Variants in KCNH5 observed in about 807,000 individuals in gnomAD.
The protein encoded by KCNH5 is potassium voltage-gated channel subfamily H member 5.
In KCNH5, 46 loss-of-function variants were observed where a neutral mutation model predicts 96.1. The observed-to-expected ratio is 0.48, with a 90% CI of 0.38 to 0.61. The LOEUF (loss-of-function observed/expected upper bound fraction) is 0.61, where lower values mean the gene tolerates loss of function less well. Among genes scored for constraint, KCNH5 ranks in the 20% least tolerant of loss-of-function variants. The probability of loss-of-function intolerance (pLI) is 0.00; values close to 1 mark genes in which losing one functional copy is unlikely to be tolerated. For synonymous variants in KCNH5, 439 were observed against 449.8 expected (o/e 0.98, Z 0.30); for missense variants, 907 against 1,225.8 (o/e 0.74, Z 3.88).
intron 7 of KCNH5, among the ~76,000 whole-genome samples, chr14:62,870,141 A>C (rs1028020086): frequency 1.3e-5 from 2 of 152,182 alleles, no homozygotes; most frequent in African/African-American, 4.8e-5. Context: ...CAAGCTTACC[A>C]TTTTGGCCAA....
chr14:62,830,054 C>A lies in KCNH5; in HGVS notation c.1569+19599G>T, dbSNP rs915423714. Among the ~76,000 whole-genome samples, 3 of 152,184 alleles carry A rather than the reference C, an allele frequency of 2.0e-5. No individual in the cohort carries two copies. In the East Asian group the frequency reaches 5.8e-4, roughly 29 times the overall value. ...CTCTCAAGTTCAAAGTTCCATACAT[C>A]TCTAGGGCAGGGGCAAAATGCCACC... is the stretch of plus-strand genomic sequence containing the variant. On this transcript the variant is annotated intron_variant, in intron 8 of 10. Transcript: ENST00000322893.
At chr14:63,038,047 T>G (rs1285791823) in intron 1 of KCNH5, among the ~76,000 whole-genome samples, 2 of 152,200 alleles carry the variant, frequency 1.3e-5, no homozygotes, top group Non-Finnish European at 2.9e-5. Context: ...CATTTCATAT[T>G]CCTTTCTCAT....
chr14:62,766,324 G>A (rs1000474523), intron 10 of KCNH5, among the ~76,000 whole-genome samples: 2 of 152,120 alleles, frequency 1.3e-5, no homozygotes, highest in Non-Finnish European at 2.9e-5. Context: ...TCCCACTGCT[G>A]GGTATATACC....
At chr14:62,938,538 C>A (rs969385180) in intron 7 of KCNH5, among the ~76,000 whole-genome samples, 1 of 152,172 alleles carries the variant, frequency 6.6e-6, no homozygotes, top group African/African-American at 2.4e-5. Context: ...TTAATAAGTT[C>A]TAAATATATT....
intron 7 of KCNH5, among the ~76,000 whole-genome samples, chr14:62,889,547 C>G (rs947115394): frequency 8.5e-5 from 13 of 152,206 alleles, no homozygotes; most frequent in Admixed American, 7.2e-4. Flanking sequence ...AGCACATTAA[C>G]TGACAGAGCC....
intron 10 of KCNH5, among the ~76,000 whole-genome samples, chr14:62,749,714 G>A (rs118161961): frequency 0.03 from 4,563 of 152,200 alleles, 99 homozygotes; most frequent in Non-Finnish European, 0.047. Flanking sequence ...GGGGCCACTC[G>A]AACCCTTAAT....
intron 7 of KCNH5, among the ~76,000 whole-genome samples, chr14:62,861,315 G>T (rs946598123): frequency 1.3e-5 from 2 of 151,232 alleles, no homozygotes; most frequent in African/African-American, 4.9e-5. Flanking sequence ...TGTCACCCAG[G>T]CTGGAGTGCA....
chr14:62,842,960 T>C (rs1429652583), intron 8 of KCNH5, among the ~76,000 whole-genome samples: 2 of 152,214 alleles, frequency 1.3e-5, no homozygotes, highest in Non-Finnish European at 2.9e-5. Flanking sequence ...ATAATCTTAC[T>C]GTCAGGACCT....
At chr14:62,744,849 C>G (rs1441289597) in intron 10 of KCNH5, among the ~76,000 whole-genome samples, 1 of 152,274 alleles carries the variant, frequency 6.6e-6, no homozygotes, top group South Asian at 2.1e-4. Context: ...CACCACATGC[C>G]TCTTTCTAAG....
intron 8 of KCNH5, among the ~76,000 whole-genome samples, chr14:62,838,288 A>C: frequency 6.6e-6 from 1 of 152,166 alleles, no homozygotes. Flanking sequence ...GCAGTATTTT[A>C]TTCATCATAT....
At chr14:62,960,540 GC>G (rs1268268111) in intron 6 of KCNH5, among the ~76,000 whole-genome samples, 1 of 151,938 alleles carries the variant, frequency 6.6e-6, no homozygotes, top group Non-Finnish European at 1.5e-5. Flanking sequence ...ACCATATCAG[GC>G]AACTGGATAG....
At chr14:62,926,072 GC>G (rs1889470824) in intron 7 of KCNH5, among the ~76,000 whole-genome samples, 2 of 152,024 alleles carry the variant, frequency 1.3e-5, no homozygotes, top group South Asian at 4.1e-4. Context: ...CATACAATAA[GC>G]ATTTCAAAAT....
chr14:62,817,574 A>G (rs1317062480), intron 8 of KCNH5, among the ~76,000 whole-genome samples: 4 of 150,234 alleles, frequency 2.7e-5, no homozygotes, highest in Non-Finnish European at 5.9e-5. Context: ...GCTATCAGCT[A>G]CATGTCAAAT....
At chr14:62,754,488 A>C (rs1885575085) in intron 10 of KCNH5, among the ~76,000 whole-genome samples, 1 of 152,084 alleles carries the variant, frequency 6.6e-6, no homozygotes, top group Non-Finnish European at 1.5e-5. Flanking sequence ...AGATCCAATG[A>C]TCTGTTGCCT....
At chr14:63,016,996 T>C in intron 1 of KCNH5, 42 bp from the exon 2 acceptor site, 1 of 1,580,560 alleles carries the variant, frequency 6.3e-7, no homozygotes, top group Non-Finnish European at 8.6e-7. Context: ...TTAGCTTAAT[T>C]CAACAATGCA....
intron 8 of KCNH5, among the ~76,000 whole-genome samples, chr14:62,807,120 C>T (rs1294757829): frequency 1.3e-5 from 2 of 152,056 alleles, no homozygotes; most frequent in African/African-American, 4.8e-5. Flanking sequence ...CTCTCCTTTC[C>T]CTTTCTTATC....
intron 8 of KCNH5, among the ~76,000 whole-genome samples, chr14:62,814,778 A>C (rs536359353): frequency 2.3e-5 from 3 of 129,232 alleles, no homozygotes; most frequent in Middle Eastern, 3.4e-3. Flanking sequence ...GCGAGACTCC[A>C]TCTCAAAAAA....
At chr14:62,777,251 G>A (rs1294561266) in intron 10 of KCNH5, among the ~76,000 whole-genome samples, 2 of 152,114 alleles carry the variant, frequency 1.3e-5, no homozygotes, top group Admixed American at 1.3e-4. Context: ...AAAACAACAT[G>A]GTAGTCTAAA....
Position 62,705,528 on chromosome 14 carries a change from G to A in KCNH5, c.*1980C>T, listed in dbSNP as rs1002045993. The A allele has an allele frequency of 6.6e-6, 1 of 151,976 alleles. No homozygotes were observed. The highest frequency in any genetic ancestry group is 1.9e-4 in the East Asian group (1 of 5,186). 9.4% of individuals were successfully genotyped at this position (151,976 alleles called of 1,614,324 possible). On this transcript the variant is annotated 3_prime_UTR_variant, in exon 11 of 11. Transcript: ENST00000322893. The stretch of plus-strand genomic sequence containing the variant: ...CATTTTCTTGTGTTTGTGGTAGGTA[G>A]ATATTGTAGCATTACATGGAGACGT...
Sources: gnomAD v4.1 joint callset for allele counts (sites outside exome capture counted in the v4.1 genomes callset) on GRCh38, gnomAD v4.1.1 for gene constraint, MANE v1.5 for transcripts, NCBI Gene and HGNC (gene_info 2026-07-23, HGNC 2026-07-21) for gene names.